Variants in RSPRY1 observed in about 807,000 individuals in gnomAD.
The protein encoded by RSPRY1 is RING finger and SPRY domain-containing protein 1.
A neutral mutation model predicts 73.1 loss-of-function variants in RSPRY1; 23 were observed. The ratio of observed to expected loss-of-function variants is 0.31; its 90% CI spans 0.23 to 0.45. The LOEUF is 0.45. RSPRY1 is among the 20% of genes least tolerant of loss of function. The pLI, the probability that RSPRY1 is intolerant of heterozygous loss-of-function variation, is 1.00. For missense variants in RSPRY1, 448 were observed against 698.7 expected, an observed-to-expected ratio of 0.64 and a Z score of 4.05; for synonymous variants, 226 against 251.4, an observed-to-expected ratio of 0.90 and a Z score of 0.95.
chr16:57,230,427 G>A (rs999169314), intron 11 of RSPRY1, among the ~76,000 whole-genome samples: 6 of 152,164 alleles, frequency 3.9e-5, no homozygotes, highest in African/African-American at 1.4e-4. Flanking sequence ...ATTTCATTGA[G>A]CCCAAAATGC....
chr16:57,220,631 C>G (rs2075019341), intron 8 of RSPRY1, 101 bp from the exon 9 acceptor site: 1 of 620,804 alleles, frequency 1.6e-6, no homozygotes, highest in Non-Finnish European at 2.9e-6. Context: ...TTTTGGATGC[C>G]CTTTATTTCT....
intron 1 of RSPRY1, among the ~76,000 whole-genome samples, chr16:57,202,431 C>T (rs2074635866): frequency 6.6e-6 from 1 of 152,102 alleles, no homozygotes; most frequent in Admixed American, 6.5e-5. Flanking sequence ...TTTCAGGGAC[C>T]CTTTAAAGAA....
chr16:57,213,146 T>G, intron 5 of RSPRY1, 48 bp downstream of exon 5: 4 of 1,559,136 alleles, frequency 2.6e-6, no homozygotes, highest in Non-Finnish European at 3.5e-6. Flanking sequence ...TGTTTGACAT[T>G]AAAGGGAAAT....
At chr16:57,202,799 T>C (rs1209965737) in intron 1 of RSPRY1, among the ~76,000 whole-genome samples, 4 of 151,468 alleles carry the variant, frequency 2.6e-5, no homozygotes, top group Non-Finnish European at 5.9e-5. Flanking sequence ...CTTTCTCCTG[T>C]CTTGTTCCAT....
intron 5 of RSPRY1, among the ~76,000 whole-genome samples, chr16:57,213,490 A>G (rs917710778): frequency 4.1e-4 from 62 of 152,368 alleles, no homozygotes; most frequent in African/African-American, 1.4e-3. Context: ...GAGGGAGAGG[A>G]AAAGGAACTT....
intron 1 of RSPRY1, among the ~76,000 whole-genome samples, chr16:57,199,379 C>T (rs1281359044): frequency 6.6e-6 from 1 of 152,120 alleles, no homozygotes. Flanking sequence ...GTAATCCCAG[C>T]TACTCAGGAG....
chr16:57,214,266 A>C lies in RSPRY1; in HGVS notation c.702+320A>C, dbSNP rs542470239. 6.6e-5 allele frequency among the ~76,000 whole-genome samples: 10 copies of C among 152,316 alleles called. No homozygotes were observed. In the South Asian group the frequency reaches 2.1e-3, roughly 32 times the overall value. On this transcript the variant is annotated intron_variant, in intron 6 of 14. Coordinates refer to ENST00000394420, the MANE Select transcript of RSPRY1 (RefSeq NM_133368.3). The stretch of plus-strand genomic sequence containing the variant: ...TGGTAATAGGGACCTCCACAGTAGA[A>C]ACAATTACATGGCGTTCCAAGCCAG...
Position 57,238,941 on chromosome 16 carries a change from T to A in RSPRY1, c.1697T>A (p.Val566Glu), listed in dbSNP as rs1405973405. Residue 566 changes from valine (V) to glutamate (E), a missense_variant, in exon 15 of 15, where the codon GTA (valine) becomes GAA (glutamate). By Grantham distance (121) the Val-to-Glu change is moderately radical (BLOSUM62 -2). Transcript: ENST00000394420. ...ETCPLCRKEI[V>E]SRIRQISHIS ...TGCCCATTGTGTCGTAAAGAAATAG[T>A]ATCTAGAATCAGACAGATTTCTCAT... 1 of 1,608,678 alleles carries A rather than the reference T, an allele frequency of 6.2e-7. No individual in the cohort carries two copies. The highest frequency in any genetic ancestry group is 1.1e-5 in the South Asian group (1 of 90,336).
intron 4 of RSPRY1, among the ~76,000 whole-genome samples, chr16:57,212,062 A>G (rs2074853786): frequency 6.6e-6 from 1 of 152,190 alleles, no homozygotes; most frequent in African/African-American, 2.4e-5. Flanking sequence ...CTATAATCCC[A>G]AAACTTTTGG....
At chr16:57,188,176 C>G (rs980401351) in intron 1 of RSPRY1, among the ~76,000 whole-genome samples, 1 of 152,158 alleles carries the variant, frequency 6.6e-6, no homozygotes, top group African/African-American at 2.4e-5. Flanking sequence ...CACAGTGGTT[C>G]TCTTTATTTT....
intron 1 of RSPRY1, among the ~76,000 whole-genome samples, chr16:57,193,794 G>C (rs186937599): frequency 6.6e-6 from 1 of 151,982 alleles, no homozygotes; most frequent in African/African-American, 2.4e-5. Flanking sequence ...AGCCGGGTGC[G>C]GTGGCTCACG....
intron 11 of RSPRY1, among the ~76,000 whole-genome samples, chr16:57,230,088 G>A (rs1422215766): frequency 7.4e-6 from 1 of 135,676 alleles, no homozygotes; most frequent in Non-Finnish European, 1.5e-5. Flanking sequence ...TCGTCTCACT[G>A]CAACCTCCGC....
rs1318695654 is a variant in RSPRY1, at chr16:57,219,051, A to G, written c.902-1681A>G. ...GCGCCCGGCCACATTTTCTTTATTC[A>G]TTTGTCTCTCGATGGACACTTAGGT... On this transcript the variant is annotated intron_variant, in intron 8 of 14. Coordinates refer to ENST00000394420, the MANE Select transcript of RSPRY1 (RefSeq NM_133368.3). 5.9e-5 allele frequency among the ~76,000 whole-genome samples: 9 copies of G among 151,440 alleles called. 2 individuals are homozygous for G. In the South Asian group the frequency reaches 1.7e-3, roughly 28 times the overall value.
At chr16:57,201,304 T>A (rs1256565616) in intron 1 of RSPRY1, among the ~76,000 whole-genome samples, 1 of 137,320 alleles carries the variant, frequency 7.3e-6, no homozygotes, top group South Asian at 2.4e-4. Context: ...AGGCAGAGGG[T>A]CTCCTCACTT....
At chr16:57,218,689 AGT>A (rs2074980578) in intron 8 of RSPRY1, among the ~76,000 whole-genome samples, 2 of 146,334 alleles carry the variant, frequency 1.4e-5, no homozygotes, top group East Asian at 4.0e-4. Flanking sequence ...GTGGCTGAAC[AGT>A]ACTCCATTTT....
At chr16:57,234,302 GC>G (rs1206979178) in intron 13 of RSPRY1, among the ~76,000 whole-genome samples, 1 of 152,106 alleles carries the variant, frequency 6.6e-6, no homozygotes, top group African/African-American at 2.4e-5. Context: ...TTTCCTGGCT[GC>G]CATATTTAAA....
At chr16:57,198,369 G>A (rs2074491467) in intron 1 of RSPRY1, among the ~76,000 whole-genome samples, 1 of 145,532 alleles carries the variant, frequency 6.9e-6, no homozygotes, top group Non-Finnish European at 1.5e-5. Context: ...GGGCGACAGA[G>A]CAAGACTCCG....
intron 2 of RSPRY1, among the ~76,000 whole-genome samples, chr16:57,205,536 A>G (rs1643124535): frequency 6.6e-6 from 1 of 152,236 alleles, no homozygotes; most frequent in South Asian, 2.1e-4. Context: ...TGATACTGCA[A>G]GGCACACCTG....
Position 57,231,034 on chromosome 16 carries a change from AAC to A in RSPRY1, c.1377-129_1377-128del, listed in dbSNP as rs1431743470. ...TAGTCACAGACCTGTGTGGGTTATA[AAC>A]ACAGTCTGTCACTCTTCCTTTCTGC... is the stretch of plus-strand genomic sequence containing the variant. On this transcript the variant is annotated intron_variant, in intron 12 of 14. Transcript: ENST00000394420. 9.3e-6 allele frequency: 8 copies of A among 858,010 alleles called. No homozygotes were observed. The Admixed American group carries it at 1.4e-4, about 15-fold the overall frequency. 53.1% of individuals were successfully genotyped at this position (858,010 alleles called of 1,614,324 possible).
Sources: allele counts gnomAD v4.1 joint callset (sites outside exome capture counted in the v4.1 genomes callset), GRCh38; gene constraint gnomAD v4.1.1; transcripts MANE v1.5; gene names NCBI Gene and HGNC (gene_info 2026-07-23, HGNC 2026-07-21).